IKZF2: variants seen among roughly 807,000 people sequenced by gnomAD.
IKZF2 encodes IKAROS family zinc finger 2.
IKZF2 carries 15 observed loss-of-function variants against 49.2 expected under a neutral mutation model. The ratio of observed to expected loss-of-function variants is 0.30; its 90% CI spans 0.20 to 0.47. The LOEUF (loss-of-function observed/expected upper bound fraction) is 0.47, where lower values mean the gene tolerates loss of function less well. IKZF2 is among the 20% of genes least tolerant of loss of function. IKZF2 has a pLI of 1.00. For synonymous variants in IKZF2, 227 were observed against 221.4 expected, an observed-to-expected ratio of 1.03 and a Z score of -0.23; for missense variants, 567 against 664.6, an observed-to-expected ratio of 0.85 and a Z score of 1.61.
chr2:213,037,476 G>A (rs1161914845), intron 6 of IKZF2, among the ~76,000 whole-genome samples: 1 of 152,176 alleles, frequency 6.6e-6, no homozygotes, highest in African/African-American at 2.4e-5. Context: ...ATTGGTCTGG[G>A]GTAGGGGGAA....
At chr2:213,010,330 C>A (rs1157185921) in intron 8 of IKZF2, among the ~76,000 whole-genome samples, 1 of 152,002 alleles carries the variant, frequency 6.6e-6, no homozygotes, top group Non-Finnish European at 1.5e-5. Context: ...AAAATAGAAC[C>A]TGGAATAACA....
In IKZF2 at chr2:213,016,736, T is replaced by G. The variant is rs571187001; in HGVS notation, c.713-2802A>C. Among the ~76,000 whole-genome samples, 3 of 152,278 alleles carry G rather than the reference T, an allele frequency of 2.0e-5. 1 individual carries two copies. The highest frequency in any genetic ancestry group is 4.4e-5 in the Non-Finnish European group (3 of 68,002). ...AACATAATTCCATTAGATCACTGTTTCATCACGTTGATAACCATAACGGCA... is the reference window on the plus strand; with the variant it reads ...AACATAATTCCATTAGATCACTGTTGCATCACGTTGATAACCATAACGGCA... On this transcript the variant is annotated intron_variant, in intron 7 of 8. Coordinates refer to ENST00000434687, the MANE Select transcript of IKZF2 (RefSeq NM_001387220.1).
intron 8 of IKZF2, among the ~76,000 whole-genome samples, chr2:213,012,107 G>GAATGATGA (rs879297342): frequency 4.6e-5 from 7 of 151,906 alleles, no homozygotes; most frequent in Admixed American, 1.3e-4. Flanking sequence ...AATAAGTGTG[G>GAATGATGA]AATGATGAAA....
Position 213,056,458 on chromosome 2 carries a change from T to A in IKZF2, c.406+375A>T, listed in dbSNP as rs900118167. 9.5e-6 allele frequency: 3 copies of A among 315,336 alleles called. No homozygotes were observed. In the Admixed American group the frequency reaches 1.4e-4, roughly 15 times the overall value. 19.5% of individuals were successfully genotyped at this position (315,336 alleles called of 1,614,324 possible). A position where few individuals can be genotyped will look rare whatever the true frequency, so the allele number is the denominator to read the frequency against. On this transcript the variant is annotated intron_variant, in intron 5 of 8. Transcript: ENST00000434687. ...CTTACATAAATGCATGAGTGCCATT[T>A]TGTAGTATAAACTCTTATCTAGCAA...
rs1464688941 is a variant in IKZF2 at position 213,000,746 on chromosome 2, T to G, written c.*6614A>C. ...AAAACTCAGCTAAGTGCTTTGCTTT[T>G]ATTTAAAAGTTTATTTCTAAAAGGG... On this transcript the variant is annotated 3_prime_UTR_variant, in exon 9 of 9. Coordinates refer to ENST00000434687, the MANE Select transcript of IKZF2 (RefSeq NM_001387220.1). The G allele has an allele frequency of 6.6e-6, 1 of 152,014 alleles. No individual in the cohort carries two copies. The highest frequency in any genetic ancestry group is 1.5e-5 in the Non-Finnish European group (1 of 67,688). The allele number at this position is 152,014 out of a possible 1,614,324, so 9.4% of individuals were successfully genotyped here.
intron 4 of IKZF2, among the ~76,000 whole-genome samples, chr2:213,117,517 C>G (rs548292053): frequency 4.1e-4 from 63 of 152,282 alleles, no homozygotes; most frequent in African/African-American, 1.4e-3. Context: ...AGAAAAAATG[C>G]TAGGCACAAG....
intron 4 of IKZF2, among the ~76,000 whole-genome samples, chr2:213,099,977 A>C (rs1316156956): frequency 1.3e-5 from 2 of 152,098 alleles, no homozygotes; most frequent in Non-Finnish European, 2.9e-5. Context: ...TTACTTTATA[A>C]AAATCATATG....
intron 5 of IKZF2, among the ~76,000 whole-genome samples, chr2:213,053,200 A>T (rs1700838234): frequency 6.6e-6 from 1 of 152,144 alleles, no homozygotes; most frequent in African/African-American, 2.4e-5. Context: ...TGGTAGGCAC[A>T]AAAATCTAGA....
chr2:213,045,255 G>A (rs1700045164), intron 6 of IKZF2, among the ~76,000 whole-genome samples: 1 of 152,192 alleles, frequency 6.6e-6, no homozygotes, highest in African/African-American at 2.4e-5. Context: ...GCATGGCATT[G>A]ATGCAGACTT....
intron 4 of IKZF2, among the ~76,000 whole-genome samples, chr2:213,093,648 G>A (rs1705612428): frequency 6.6e-6 from 1 of 152,136 alleles, no homozygotes; most frequent in African/African-American, 2.4e-5. Context: ...AGCCTTGTCT[G>A]TTTTGTTCAC....
intron 4 of IKZF2, among the ~76,000 whole-genome samples, chr2:213,140,495 T>C (rs2060827457): frequency 6.6e-6 from 1 of 151,914 alleles, no homozygotes; most frequent in African/African-American, 2.4e-5. Flanking sequence ...CTGTAATAAG[T>C]ATGTAATATT....
chr2:213,098,346 T>A (rs980616688), intron 4 of IKZF2, among the ~76,000 whole-genome samples: 1 of 152,064 alleles, frequency 6.6e-6, no homozygotes, highest in Admixed American at 6.6e-5. Context: ...AATCTCCTCC[T>A]GGAATCAAAA....
rs1471168520 is a variant in IKZF2, at chr2:213,004,099, T to C, written c.*3261A>G. 1 of 151,820 alleles carries C rather than the reference T, an allele frequency of 6.6e-6. No individual in the cohort carries two copies. The highest frequency in any genetic ancestry group is 1.5e-5 in the Non-Finnish European group (1 of 67,824). The allele number at this position is 151,820 out of a possible 1,614,324, so 9.4% of individuals were successfully genotyped here. ...TGTCATTTAAATTCTCTGTATGTTT[T>C]TGCAATACATCTGATCACTCCAACT... On this transcript the variant is annotated 3_prime_UTR_variant, in exon 9 of 9. Transcript: ENST00000434687.
intron 4 of IKZF2, among the ~76,000 whole-genome samples, chr2:213,098,520 A>G (rs74568392): frequency 0.022 from 3,299 of 151,374 alleles, 123 homozygotes; most frequent in African/African-American, 0.077. Context: ...TAATTTCAAA[A>G]GTAACATTTT....
intron 7 of IKZF2, chr2:213,016,805 C>G (rs952083289): frequency 1.3e-5 from 2 of 152,078 alleles, no homozygotes; most frequent in Admixed American, 1.3e-4. Flanking sequence ...AAAAACCAAA[C>G]AGTTCACCCA....
At chr2:213,136,048 C>CAAA (rs534093528) in intron 4 of IKZF2, among the ~76,000 whole-genome samples, 2 of 105,472 alleles carry the variant, frequency 1.9e-5, no homozygotes, top group African/African-American at 3.1e-5. Context: ...GACTCCGTTT[C>CAAA]AAAAAAAAAA....
chr2:213,027,346 C>T (rs1697918697), intron 6 of IKZF2, among the ~76,000 whole-genome samples: 1 of 152,066 alleles, frequency 6.6e-6, no homozygotes, highest in African/African-American at 2.4e-5. Context: ...ACAGTGATTA[C>T]ATTTCCTTTT....
rs1694853686 is a variant in IKZF2 at position 213,000,950 on chromosome 2, CCA to C, written c.*6408_*6409del. 6.6e-6 allele frequency: 1 copy of C among 151,600 alleles called. No individual in the cohort carries two copies. Among genetic ancestry groups the C allele is most frequent in the Non-Finnish European group, 1.5e-5 (1 of 67,522 alleles). The allele number at this position is 151,600 out of a possible 1,614,324, so 9.4% of individuals were successfully genotyped here. ...TACCATGAGATCAGACTAGTGGTTT[CCA>C]CATTCTGTAATCTTTTGATTGTGGA... On this transcript the variant is annotated 3_prime_UTR_variant, in exon 9 of 9. Transcript: ENST00000434687.
At chr2:213,029,485 A>G (rs868379310) in intron 6 of IKZF2, among the ~76,000 whole-genome samples, 50 of 152,138 alleles carry the variant, frequency 3.3e-4, no homozygotes, top group South Asian at 6.2e-4. Context: ...CAGGATTTTT[A>G]GTGATTTCCG....
Sources: gnomAD v4.1 joint callset for allele counts (sites outside exome capture counted in the v4.1 genomes callset) on GRCh38, gnomAD v4.1.1 for gene constraint, MANE v1.5 for transcripts, NCBI Gene and HGNC (gene_info 2026-07-23, HGNC 2026-07-21) for gene names.